Variants in SLC38A10 observed in about 807,000 individuals in gnomAD.
SLC38A10 encodes solute carrier family 38 member 10.
SLC38A10 carries 53 observed loss-of-function variants against 81.0 expected under a neutral mutation model. The observed-to-expected ratio is 0.65, with a 90% CI of 0.53 to 0.82. SLC38A10 has a LOEUF of 0.82. Ranked by LOEUF, SLC38A10 falls within the 40% of genes least tolerant of loss-of-function variation. The probability of loss-of-function intolerance (pLI) is 0.00; values close to 1 mark genes in which losing one functional copy is unlikely to be tolerated. For synonymous variants in SLC38A10, 665 were observed against 655.3 expected (o/e 1.01, Z -0.23); for missense variants, 1,471 against 1,545.0 (o/e 0.95, Z 0.80).
Position 81,251,480 on chromosome 17 carries a change from G to A in SLC38A10, c.2065+13C>T, listed in dbSNP as rs1239962277. On this transcript the variant is annotated intron_variant, in intron 14 of 15. Coordinates refer to ENST00000374759, the MANE Select transcript of SLC38A10 (RefSeq NM_001037984.3). The stretch of plus-strand genomic sequence containing the variant: ...TGGGCCTGAGGCAGGCGGCTGTAGG[G>A]CGGAGGCCTTACCCTCCAGCTGGCT... The A allele has an allele frequency of 1.2e-6, 2 of 1,604,720 alleles. No homozygotes were observed. Among genetic ancestry groups the A allele is most frequent in the Middle Eastern group, 1.9e-4 (1 of 5,336 alleles).
intron 1 of SLC38A10, among the ~76,000 whole-genome samples, chr17:81,294,420 T>C (rs2063332224): frequency 6.6e-6 from 1 of 152,196 alleles, no homozygotes; most frequent in Admixed American, 6.5e-5. Flanking sequence ...CTATCTAGTG[T>C]CGAAGCCTGG....
intron 8 of SLC38A10, among the ~76,000 whole-genome samples, chr17:81,274,090 A>G (rs1192057209): frequency 6.6e-6 from 1 of 152,254 alleles, no homozygotes; most frequent in East Asian, 1.9e-4. Context: ...GTACAGAAAT[A>G]CAGATGCTGC....
chr17:81,289,049 T>A lies in SLC38A10; in HGVS notation c.217+642A>T, dbSNP rs2146957419. ...AGCATGTGATTATAACAGGTTTTTCTTTTTTTTTCCAGACAGAGTCTCACT... is the reference window on the plus strand; with the variant it reads ...AGCATGTGATTATAACAGGTTTTTCATTTTTTTTCCAGACAGAGTCTCACT... On this transcript the variant is annotated intron_variant, in intron 2 of 15. Coordinates refer to ENST00000374759, the MANE Select transcript of SLC38A10 (RefSeq NM_001037984.3). The surrounding 1 kb of genome is among the most constrained non-coding windows in gnomAD (Gnocchi z 5.9). The A allele has an allele frequency of 6.6e-6, 1 of 151,930 alleles. No individual in the cohort carries two copies. Among genetic ancestry groups the A allele is most frequent in the African/African-American group, 2.4e-5 (1 of 41,396 alleles). 9.4% of individuals were successfully genotyped at this position (151,930 alleles called of 1,614,324 possible). A position where few individuals can be genotyped will look rare whatever the true frequency, so the allele number is the denominator to read the frequency against.
chr17:81,252,178 C>T lies in SLC38A10; in HGVS notation c.1945+17G>A, dbSNP rs1180478074. 6.7e-7 allele frequency: 1 copy of T among 1,497,588 alleles called. No homozygotes were observed. Among genetic ancestry groups the T allele is most frequent in the African/African-American group, 1.4e-5 (1 of 71,548 alleles). The allele number at this position is 1,497,588 out of a possible 1,614,324, so 92.8% of individuals were successfully genotyped here. A position where few individuals can be genotyped will look rare whatever the true frequency, so the allele number is the denominator to read the frequency against. ...AGAGGGGAGTGTCTTCCGACACGAGCCCAGGCTGACACCCACCGTGGTCGC... is the reference window on the plus strand; with the variant it reads ...AGAGGGGAGTGTCTTCCGACACGAGTCCAGGCTGACACCCACCGTGGTCGC... On this transcript the variant is annotated intron_variant, in intron 13 of 15. Coordinates refer to ENST00000374759, the MANE Select transcript of SLC38A10 (RefSeq NM_001037984.3).
chr17:81,270,830 G>T lies in SLC38A10; in HGVS notation c.1131+88C>A. The T allele has an allele frequency of 2.7e-6, 3 of 1,122,302 alleles. No individual in the cohort carries two copies. The highest frequency in any genetic ancestry group is 4.0e-6 in the Non-Finnish European group (3 of 757,112). 69.5% of individuals were successfully genotyped at this position (1,122,302 alleles called of 1,614,324 possible). The stretch of plus-strand genomic sequence containing the variant: ...TTCTTGATAGAACCCATCTGAAAAC[G>T]CTGAACCAGGGGCTTCCTCCCGCCT... On this transcript the variant is annotated intron_variant, in intron 10 of 15. Transcript: ENST00000374759. The surrounding 1 kb of genome is among the most constrained non-coding windows in gnomAD (Gnocchi z 4.0).
intron 11 of SLC38A10, among the ~76,000 whole-genome samples, chr17:81,257,609 G>A (rs964527621): frequency 2.0e-5 from 3 of 152,204 alleles, no homozygotes; most frequent in African/African-American, 2.4e-5. Context: ...CTGCCTCCAC[G>A]CATGGGGGCT....
intron 12 of SLC38A10, 100 bp from the exon 13 acceptor site, chr17:81,252,783 G>A (rs536481602): frequency 4.7e-5 from 70 of 1,477,214 alleles, no homozygotes; most frequent in Non-Finnish European, 5.8e-5. Flanking sequence ...GCTCCCAACA[G>A]TGTGACACAG....
At position 81,283,295 on chromosome 17, in the gene SLC38A10, G is replaced by T; in HGVS notation, c.357+114C>A. The T allele has an allele frequency of 2.2e-6, 2 of 927,856 alleles. No homozygotes were observed. Among genetic ancestry groups the T allele is most frequent in the African/African-American group, 1.7e-5 (1 of 60,574 alleles). 57.5% of individuals were successfully genotyped at this position (927,856 alleles called of 1,614,324 possible). A position where few individuals can be genotyped will look rare whatever the true frequency, so the allele number is the denominator to read the frequency against. On this transcript the variant is annotated intron_variant, in intron 4 of 15. Coordinates refer to ENST00000374759, the MANE Select transcript of SLC38A10 (RefSeq NM_001037984.3). This position sits in a 1 kb window ranked among gnomAD's most constrained non-coding sequence, Gnocchi z 4.7. ...AAGCCCCTAGAATGACAGCAGGCTC[G>T]ACAGAAGCTTCTCCCGACCAGCACC...
intron 10 of SLC38A10, among the ~76,000 whole-genome samples, chr17:81,269,999 A>C (rs1325329541): frequency 6.6e-6 from 1 of 152,182 alleles, no homozygotes; most frequent in East Asian, 1.9e-4. Context: ...TATTCCAGTA[A>C]GAAAAAGCTC....
intron 8 of SLC38A10, among the ~76,000 whole-genome samples, chr17:81,275,600 C>T (rs1434827973): frequency 2.7e-5 from 4 of 150,424 alleles, no homozygotes; most frequent in South Asian, 2.1e-4. Flanking sequence ...GGCATGGTGG[C>T]GCGCGCCTGT....
chr17:81,279,756 A>G (rs887914688), intron 6 of SLC38A10: 1 of 156,002 alleles, frequency 6.4e-6, no homozygotes, highest in African/African-American at 2.4e-5. Flanking sequence ...GGCAACTGGT[A>G]ACTAGGTACG....
intron 11 of SLC38A10, among the ~76,000 whole-genome samples, chr17:81,258,555 G>A (rs181866089): frequency 2.6e-5 from 4 of 152,202 alleles, no homozygotes; most frequent in East Asian, 3.9e-4. Flanking sequence ...GGCTGGCACC[G>A]AGAAGTCCAC....
intron 2 of SLC38A10, among the ~76,000 whole-genome samples, chr17:81,287,224 C>T (rs568569612): frequency 6.6e-6 from 1 of 152,358 alleles, no homozygotes; most frequent in African/African-American, 2.4e-5. Context: ...GCCACCTCCC[C>T]AGGCTAACCA....
At position 81,253,056 on chromosome 17, in the gene SLC38A10, C is replaced by T. The variant is rs763762864; in HGVS notation, c.1456+17G>A. ...GGCCGCCCTTCCCCATCCGCACCCC[C>T]AGCCAGTGCCCAGCACCTTGCCCAG... On this transcript the variant is annotated intron_variant, in intron 12 of 15. Transcript: ENST00000374759. The surrounding 1 kb of genome is among the most constrained non-coding windows in gnomAD (Gnocchi z 4.1). The T allele has an allele frequency of 8.7e-6, 14 of 1,609,752 alleles. No individual in the cohort carries two copies. Among genetic ancestry groups the T allele is most frequent in the Admixed American group, 6.7e-5 (4 of 59,974 alleles).
intron 11 of SLC38A10, among the ~76,000 whole-genome samples, chr17:81,254,994 G>C (rs1252825273): frequency 6.6e-6 from 1 of 152,272 alleles, no homozygotes; most frequent in East Asian, 1.9e-4. Context: ...CATTTTCTCA[G>C]CAGGAGCAAA....
chr17:81,293,831 G>C (rs1190152812), intron 1 of SLC38A10, among the ~76,000 whole-genome samples: 1 of 152,162 alleles, frequency 6.6e-6, no homozygotes, highest in African/African-American at 2.4e-5. Context: ...ACTTGGTAAC[G>C]TTTCAGTCAG....
chr17:81,266,679 T>G (rs965016605), intron 10 of SLC38A10, among the ~76,000 whole-genome samples: 2 of 150,698 alleles, frequency 1.3e-5, no homozygotes, highest in Admixed American at 1.3e-4. Flanking sequence ...GATCCCAGGA[T>G]AGCATGCAGT....
At position 81,283,257 on chromosome 17, in the gene SLC38A10, C is replaced by T; in HGVS notation, c.357+152G>A. 1 of 667,026 alleles carries T rather than the reference C, an allele frequency of 1.5e-6. No homozygotes were observed. 41.3% of individuals were successfully genotyped at this position (667,026 alleles called of 1,614,324 possible). ...CTCACAGACGTGACCCAGCAAAGCC[C>T]CCGCACTCCACCAAGCCCCTAGAAT... On this transcript the variant is annotated intron_variant, in intron 4 of 15. Transcript: ENST00000374759. This position sits in a 1 kb window ranked among gnomAD's most constrained non-coding sequence, Gnocchi z 4.7.
chr17:81,251,462 G>A (rs1191329107), intron 14 of SLC38A10, 31 bp downstream of exon 14: 4 of 1,607,532 alleles, frequency 2.5e-6, no homozygotes, highest in Middle Eastern at 3.5e-4. Context: ...CCCTGGGCCT[G>A]AGGCAGGCGG....
Sources: gnomAD v4.1 joint callset for allele counts (sites outside exome capture counted in the v4.1 genomes callset) on GRCh38, gnomAD v4.1.1 for gene constraint, Gnocchi (gnomAD v3.1) non-coding constraint, MANE v1.5 for transcripts, NCBI Gene and HGNC (gene_info 2026-07-23, HGNC 2026-07-21) for gene names.